Variants in SMURF1 observed in about 807,000 individuals in gnomAD.
SMURF1 encodes E3 ubiquitin-protein ligase SMURF1.
A neutral mutation model predicts 98.0 loss-of-function variants in SMURF1; 44 were observed. The ratio of observed to expected loss-of-function variants is 0.45; its 90% CI spans 0.35 to 0.58. SMURF1 has a LOEUF of 0.58. SMURF1 is among the 20% of genes least tolerant of loss of function. The probability of loss-of-function intolerance (pLI) is 0.00; values close to 1 mark genes in which losing one functional copy is unlikely to be tolerated. For synonymous variants in SMURF1, 396 were observed against 374.9 expected (o/e 1.06, Z -0.65); for missense variants, 687 against 938.4 (o/e 0.73, Z 3.50).
intron 1 of SMURF1, among the ~76,000 whole-genome samples, chr7:99,128,164 A>T (rs1797787300): frequency 6.6e-6 from 1 of 152,178 alleles, no homozygotes; most frequent in African/African-American, 2.4e-5. Context: ...AATTATACTC[A>T]ACACCCTCAA....
At chr7:99,102,410 G>A (rs1157101024) in intron 1 of SMURF1, among the ~76,000 whole-genome samples, 1 of 152,044 alleles carries the variant, frequency 6.6e-6, no homozygotes, top group African/African-American at 2.4e-5. Context: ...CAAAACCACT[G>A]ATATTTACAC....
intron 1 of SMURF1, among the ~76,000 whole-genome samples, chr7:99,098,142 A>G (rs1316428273): frequency 6.6e-6 from 1 of 151,994 alleles, no homozygotes; most frequent in East Asian, 1.9e-4. Context: ...CAATAAAGCT[A>G]AATTTGCTAT....
chr7:99,040,473 T>C lies in SMURF1; in HGVS notation c.1455A>G (p.Thr485=), dbSNP rs369268659. The stretch of plus-strand genomic sequence containing the variant: ...CCAGCAGCTGCTTGTAGAAGGGCAC[T>C]GTGAAGCCCCCGTTGATGTAGTGTC... The part of the protein sequence containing the change: ...FHGHYINGGF[T]VPFYKQLLGK... The change falls in exon 13 of 18, where the codon ACA becomes ACG. Residue 485 remains threonine (T), a synonymous_variant. Transcript: ENST00000361368. 9 of 1,591,114 alleles carry C rather than the reference T, an allele frequency of 5.7e-6. No individual in the cohort carries two copies. The African/African-American group carries it at 9.5e-5, about 17-fold the overall frequency.
intron 1 of SMURF1, among the ~76,000 whole-genome samples, chr7:99,133,293 C>T (rs1191074032): frequency 6.6e-6 from 1 of 151,712 alleles, no homozygotes; most frequent in Non-Finnish European, 1.5e-5. Flanking sequence ...TTATACAAAA[C>T]ACTAAAATTG....
At chr7:99,135,178 T>G (rs761442699) in intron 1 of SMURF1, among the ~76,000 whole-genome samples, 3 of 152,234 alleles carry the variant, frequency 2.0e-5, no homozygotes, top group Non-Finnish European at 2.9e-5. Context: ...GTTAGTGTAC[T>G]TACTAGTTGC....
At chr7:99,066,558 G>A (rs549857101) in intron 1 of SMURF1, among the ~76,000 whole-genome samples, 4 of 152,080 alleles carry the variant, frequency 2.6e-5, no homozygotes, top group East Asian at 3.9e-4. Context: ...AGGTGGGATC[G>A]CTTGAGCTCA....
In SMURF1 at chr7:99,061,986, T is replaced by G. The variant is rs1796044460; in HGVS notation, c.56-149A>C. ...ATCTAGTATCATATGAAACAAAAAA[T>G]GGACAACCATCTAAAAAGTGTTTTC... On this transcript the variant is annotated intron_variant, in intron 1 of 17. Transcript: ENST00000361368. The G allele has an allele frequency of 7.6e-6, 4 of 528,094 alleles. No individual in the cohort carries two copies. The Admixed American group carries it at 1.5e-4, about 20-fold the overall frequency. 32.7% of individuals were successfully genotyped at this position (528,094 alleles called of 1,614,324 possible). A position where few individuals can be genotyped will look rare whatever the true frequency, so the allele number is the denominator to read the frequency against.
intron 1 of SMURF1, among the ~76,000 whole-genome samples, chr7:99,072,764 T>C (rs911947764): frequency 6.6e-6 from 1 of 152,200 alleles, no homozygotes; most frequent in African/African-American, 2.4e-5. Context: ...TAAAACAAAG[T>C]GCCTTATAAT....
At chr7:99,034,578 T>G (rs1262144394) in intron 16 of SMURF1, among the ~76,000 whole-genome samples, 1 of 151,558 alleles carries the variant, frequency 6.6e-6, no homozygotes, top group Non-Finnish European at 1.5e-5. Context: ...GGGCTAATAA[T>G]CCCCATCAGC....
intron 1 of SMURF1, among the ~76,000 whole-genome samples, chr7:99,115,288 T>TA (rs1291413899): frequency 6.6e-6 from 1 of 151,784 alleles, no homozygotes; most frequent in East Asian, 1.9e-4. Context: ...TCACTAGAAA[T>TA]AAAAAAATGA....
intron 1 of SMURF1, among the ~76,000 whole-genome samples, chr7:99,135,888 T>C (rs6975884): frequency 0.98 from 148,680 of 152,326 alleles, 72,647 homozygotes; most frequent in East Asian, 1. Context: ...TTTTCCACAC[T>C]CTTGTCTCAT....
intron 1 of SMURF1, among the ~76,000 whole-genome samples, chr7:99,119,003 A>T (rs865797231): frequency 6.8e-4 from 29 of 42,930 alleles, no homozygotes; most frequent in Middle Eastern, 0.026. Context: ...TAACATGCCA[A>T]TTTTTTTTTT....
chr7:99,038,785 T>A lies in SMURF1; in HGVS notation c.1551-260A>T, dbSNP rs1795256999. On this transcript the variant is annotated intron_variant, in intron 13 of 17. Coordinates refer to ENST00000361368, the MANE Select transcript of SMURF1 (RefSeq NM_181349.3). ...CAGGTTGCTGTACCATCCTGTGATT[T>A]CAGGGGACCCACAACCCAGCTGCTT... Among the ~76,000 whole-genome samples the A allele has an allele frequency of 2.0e-5, 3 of 152,128 alleles. No homozygotes were observed. The South Asian group carries it at 6.2e-4, about 32-fold the overall frequency.
chr7:99,084,314 C>T (rs1029168094), intron 1 of SMURF1, among the ~76,000 whole-genome samples: 23 of 152,238 alleles, frequency 1.5e-4, no homozygotes, highest in Non-Finnish European at 8.8e-5. Context: ...TGGAGTCCTG[C>T]TGTGTCACCA....
At chr7:99,068,372 C>T (rs1351538915) in intron 1 of SMURF1, among the ~76,000 whole-genome samples, 1 of 152,212 alleles carries the variant, frequency 6.6e-6, no homozygotes, top group Non-Finnish European at 1.5e-5. Flanking sequence ...CTGACTGCAG[C>T]CTCAGACTCT....
chr7:99,088,865 G>A (rs1313462341), intron 1 of SMURF1, among the ~76,000 whole-genome samples: 2 of 152,076 alleles, frequency 1.3e-5, no homozygotes, highest in Non-Finnish European at 2.9e-5. Flanking sequence ...AGGAGTTTGA[G>A]ATCAGCCTGG....
At chr7:99,042,085 C>T in intron 12 of SMURF1, 33 bp downstream of exon 12, 2 of 1,538,170 alleles carry the variant, frequency 1.3e-6, no homozygotes, top group Non-Finnish European at 1.8e-6. Context: ...TTCTCCAACT[C>T]AATTCCCTAC....
chr7:99,115,388 T>G (rs1797416304), intron 1 of SMURF1, among the ~76,000 whole-genome samples: 2 of 150,926 alleles, frequency 1.3e-5, no homozygotes, highest in African/African-American at 4.9e-5. Context: ...AGCTCAGGAG[T>G]TTTGAGACTA....
Position 99,049,710 on chromosome 7 carries a change from C to G in SMURF1, c.807-1G>C. 6.2e-7 allele frequency: 1 copy of G among 1,611,452 alleles called. No homozygotes were observed. The highest frequency in any genetic ancestry group is 8.5e-7 in the Non-Finnish European group (1 of 1,179,290). Reference sequence around the variant, plus strand: ...ATCACAGTTCACACTGTTAAGGTCTCTACCAAAATGGAAGATACAGAGAGG... The same window carrying G: ...ATCACAGTTCACACTGTTAAGGTCTGTACCAAAATGGAAGATACAGAGAGG... On this transcript the variant is annotated splice_acceptor_variant, in intron 8 of 17. Coordinates refer to ENST00000361368, the MANE Select transcript of SMURF1 (RefSeq NM_181349.3). LOFTEE classifies it high-confidence loss of function.
Sources: gnomAD v4.1 joint callset for allele counts (sites outside exome capture counted in the v4.1 genomes callset) on GRCh38, gnomAD v4.1.1 for gene constraint, MANE v1.5 for transcripts, NCBI Gene and HGNC (gene_info 2026-07-23, HGNC 2026-07-21) for gene names.